The following TMEM117 variants were observed in gnomAD, a reference collection of about 807,000 sequenced individuals.
TMEM117 encodes transmembrane protein 117.
A neutral mutation model predicts 52.4 loss-of-function variants in TMEM117; 27 were observed. That is an observed-to-expected ratio of 0.51 (90% CI 0.38 to 0.71). TMEM117 has a LOEUF of 0.71. TMEM117 is among the 30% of genes least tolerant of loss of function. TMEM117 has a pLI of 0.00. For synonymous variants in TMEM117, 215 were observed against 206.3 expected (o/e 1.04, Z -0.36); for missense variants, 556 against 630.5 (o/e 0.88, Z 1.26).
intron 2 of TMEM117, among the ~76,000 whole-genome samples, chr12:43,873,756 T>G (rs1034561329): frequency 6.6e-6 from 1 of 152,010 alleles, no homozygotes; most frequent in African/African-American, 2.4e-5. Flanking sequence ...TTCTCAAAAT[T>G]TCATTCTGAG....
At chr12:44,148,055 A>C (rs1948670541) in intron 4 of TMEM117, among the ~76,000 whole-genome samples, 1 of 152,242 alleles carries the variant, frequency 6.6e-6, no homozygotes, top group South Asian at 2.1e-4. Context: ...GTCACAGGAC[A>C]TTGCATGGCT....
At chr12:44,318,918 G>A (rs1951094598) in intron 6 of TMEM117, among the ~76,000 whole-genome samples, 1 of 152,224 alleles carries the variant, frequency 6.6e-6, no homozygotes, top group South Asian at 2.1e-4. Context: ...TCTCAGGTGA[G>A]CAGGATGGAG....
chr12:44,347,911 G>A (rs1951510010), intron 6 of TMEM117, among the ~76,000 whole-genome samples: 1 of 152,048 alleles, frequency 6.6e-6, no homozygotes, highest in East Asian at 1.9e-4. Flanking sequence ...AGCAATTGAA[G>A]CGACTCTGAA....
intron 5 of TMEM117, among the ~76,000 whole-genome samples, chr12:44,289,971 C>T (rs1950684728): frequency 6.6e-6 from 1 of 152,126 alleles, no homozygotes; most frequent in African/African-American, 2.4e-5. Context: ...AGATAAAGCA[C>T]CTTTTAATAC....
At chr12:43,926,343 C>T (rs996168842) in intron 2 of TMEM117, among the ~76,000 whole-genome samples, 2 of 152,210 alleles carry the variant, frequency 1.3e-5, no homozygotes, top group African/African-American at 4.8e-5. Flanking sequence ...CTTCTCCTCT[C>T]TTCCAATCAG....
At chr12:44,173,408 T>C (rs1023765986) in intron 4 of TMEM117, among the ~76,000 whole-genome samples, 11 of 152,134 alleles carry the variant, frequency 7.2e-5, no homozygotes, top group Admixed American at 6.5e-4. Context: ...TTAATAACTT[T>C]CTTCATTTTA....
intron 3 of TMEM117, among the ~76,000 whole-genome samples, chr12:44,104,216 G>A (rs1016860385): frequency 6.6e-6 from 1 of 151,942 alleles, no homozygotes; most frequent in South Asian, 2.1e-4. Flanking sequence ...TGATTAATTA[G>A]TATATTAACT....
chr12:43,989,849 T>TA (rs1355163291), intron 3 of TMEM117, among the ~76,000 whole-genome samples: 1 of 152,144 alleles, frequency 6.6e-6, no homozygotes, highest in Non-Finnish European at 1.5e-5. Context: ...ACTTAGATCT[T>TA]AAAATCTGTC....
intron 3 of TMEM117, among the ~76,000 whole-genome samples, chr12:44,048,223 A>G (rs1019728556): frequency 4.6e-5 from 7 of 152,092 alleles, no homozygotes; most frequent in African/African-American, 1.7e-4. Flanking sequence ...TAACATTATT[A>G]CTTTTCTTTT....
At chr12:43,940,411 T>G (rs1945025527) in intron 2 of TMEM117, among the ~76,000 whole-genome samples, 1 of 152,140 alleles carries the variant, frequency 6.6e-6, no homozygotes, top group Admixed American at 6.6e-5. Flanking sequence ...AGAAAGGAAA[T>G]TCTTCTTTCC....
intron 6 of TMEM117, among the ~76,000 whole-genome samples, chr12:44,306,643 A>G (rs766071710): frequency 4.6e-5 from 7 of 152,114 alleles, no homozygotes; most frequent in African/African-American, 1.2e-4. Context: ...TGTTTTATCA[A>G]TTTTTTCATT....
chr12:44,179,078 CA>C (rs1949154628), intron 4 of TMEM117, among the ~76,000 whole-genome samples: 1 of 152,010 alleles, frequency 6.6e-6, no homozygotes, highest in African/African-American at 2.4e-5. Flanking sequence ...CCTGTAATCC[CA>C]GCTACTCAGG....
At chr12:43,863,639 AAT>A (rs1315416756) in intron 2 of TMEM117, among the ~76,000 whole-genome samples, 1 of 152,174 alleles carries the variant, frequency 6.6e-6, no homozygotes, top group Non-Finnish European at 1.5e-5. Flanking sequence ...ACTCTCCTTT[AAT>A]TCTTAACTGG....
intron 3 of TMEM117, among the ~76,000 whole-genome samples, chr12:44,015,454 A>T (rs894635757): frequency 2.0e-5 from 3 of 152,136 alleles, no homozygotes; most frequent in Middle Eastern, 3.2e-3. Context: ...ACTTACATGC[A>T]TATGTTCATC....
At chr12:44,065,357 C>A (rs1947206347) in intron 3 of TMEM117, among the ~76,000 whole-genome samples, 2 of 152,024 alleles carry the variant, frequency 1.3e-5, no homozygotes, top group African/African-American at 4.8e-5. Context: ...CACTGCACTC[C>A]AGCCTGGGCT....
chr12:44,260,839 T>C (rs1355587447), intron 5 of TMEM117, among the ~76,000 whole-genome samples: 2 of 152,208 alleles, frequency 1.3e-5, no homozygotes, highest in East Asian at 3.8e-4. Flanking sequence ...CAGATGGGCA[T>C]AAATCTTGAG....
intron 3 of TMEM117, among the ~76,000 whole-genome samples, chr12:44,128,599 C>A (rs941484399): frequency 6.6e-6 from 1 of 152,132 alleles, no homozygotes; most frequent in African/African-American, 2.4e-5. Context: ...TGGGAGGCAT[C>A]CTAAGTGGCT....
the TMEM117 span, among the ~76,000 whole-genome samples, chr12:43,799,057 T>C: frequency 6.6e-6 from 1 of 152,074 alleles, no homozygotes; most frequent in African/African-American, 2.4e-5. Context: ...GCAACCTTAT[T>C]AGATACATTC....
chr12:43,800,613 C>T, the TMEM117 span: 1 of 1,064,070 alleles, frequency 9.4e-7, no homozygotes. Flanking sequence ...ATATTAATAT[C>T]CTGAATCACA....
Sources: allele counts gnomAD v4.1 joint callset (sites outside exome capture counted in the v4.1 genomes callset), GRCh38; gene constraint gnomAD v4.1.1; transcripts MANE v1.5; gene names NCBI Gene and HGNC (gene_info 2026-07-23, HGNC 2026-07-21).